The following LNPEP variants were observed in gnomAD, a reference collection of about 807,000 sequenced individuals.
LNPEP encodes leucyl and cystinyl aminopeptidase.
A neutral mutation model predicts 120.6 loss-of-function variants in LNPEP; 64 were observed. The ratio of observed to expected loss-of-function variants is 0.53; its 90% CI spans 0.43 to 0.65. LNPEP has a LOEUF of 0.65. Ranked by LOEUF, LNPEP falls within the 30% of genes least tolerant of loss-of-function variation. The pLI is 0.00. For synonymous variants in LNPEP, 435 were observed against 425.4 expected (o/e 1.02, Z -0.28); for missense variants, 1,057 against 1,200.0 (o/e 0.88, Z 1.76).
intron 1 of LNPEP, among the ~76,000 whole-genome samples, chr5:96,965,320 G>T (rs995532303): frequency 1.3e-5 from 2 of 151,086 alleles, no homozygotes; most frequent in Non-Finnish European, 2.9e-5. Flanking sequence ...TAATTTCCAG[G>T]TCCTTAAAAA....
intron 2 of LNPEP, among the ~76,000 whole-genome samples, chr5:96,984,188 C>G (rs1006272165): frequency 6.6e-6 from 1 of 152,156 alleles, no homozygotes; most frequent in Admixed American, 6.5e-5. Context: ...TTTCTATAAC[C>G]AGTTATATAG....
At chr5:96,974,264 C>T (rs547930234) in intron 1 of LNPEP, among the ~76,000 whole-genome samples, 1 of 152,270 alleles carries the variant, frequency 6.6e-6, no homozygotes, top group East Asian at 1.9e-4. Context: ...TTGCCTTTAG[C>T]TCTGGGCAGA....
At chr5:96,953,284 G>A (rs1267328229) in intron 1 of LNPEP, among the ~76,000 whole-genome samples, 2 of 152,110 alleles carry the variant, frequency 1.3e-5, no homozygotes, top group East Asian at 3.9e-4. Context: ...CTTGACCCTC[G>A]CATTCCTGAT....
intron 8 of LNPEP, among the ~76,000 whole-genome samples, chr5:96,999,216 T>C (rs1035837560): frequency 1.3e-5 from 2 of 152,206 alleles, no homozygotes; most frequent in Non-Finnish European, 2.9e-5. Flanking sequence ...GTTTATAAAG[T>C]AGATTTAAGT....
intron 7 of LNPEP, among the ~76,000 whole-genome samples, chr5:96,997,471 A>G (rs1054530279): frequency 6.6e-6 from 1 of 152,128 alleles, no homozygotes; most frequent in African/African-American, 2.4e-5. Flanking sequence ...CAGAATGTGT[A>G]AAAAGGTCTA....
At chr5:97,005,262 A>T (rs1226037584) in intron 9 of LNPEP, among the ~76,000 whole-genome samples, 2 of 152,170 alleles carry the variant, frequency 1.3e-5, no homozygotes, top group African/African-American at 4.8e-5. Flanking sequence ...GTTGCTTACA[A>T]TTCAAATTCA....
rs1791549258 is a variant in LNPEP, at chr5:97,035,178, G to C, written c.*6645G>C. On this transcript the variant is annotated 3_prime_UTR_variant, in exon 18 of 18. Coordinates refer to ENST00000231368, the MANE Select transcript of LNPEP (RefSeq NM_005575.3). The stretch of plus-strand genomic sequence containing the variant: ...TTGTTTAATTTTTTTTTATGGGGAG[G>C]GGTTCTTTGGGTGGGTAATAGTCAG... 6.6e-6 allele frequency: 1 copy of C among 151,876 alleles called. No individual in the cohort carries two copies. Among genetic ancestry groups the C allele is most frequent in the Non-Finnish European group, 1.5e-5 (1 of 67,930 alleles). 9.4% of individuals were successfully genotyped at this position (151,876 alleles called of 1,614,324 possible).
chr5:96,975,544 A>G (rs1789971567), intron 1 of LNPEP, among the ~76,000 whole-genome samples: 1 of 152,108 alleles, frequency 6.6e-6, no homozygotes, highest in South Asian at 2.1e-4. Context: ...TGTTATTGCC[A>G]TTATAGTGAC....
rs560664751 is a variant in LNPEP at position 97,029,491 on chromosome 5, A to G, written c.*958A>G. On this transcript the variant is annotated 3_prime_UTR_variant, in exon 18 of 18. Transcript: ENST00000231368. The stretch of plus-strand genomic sequence containing the variant: ...CCTTTTGGCATCATAGATCATAGAA[A>G]CTTTCTCTCTGAATCATACCCATGT... 1 of 152,450 alleles carries G rather than the reference A, an allele frequency of 6.6e-6. No homozygotes were observed. The highest frequency in any genetic ancestry group is 6.5e-5 in the Admixed American group (1 of 15,300). 9.4% of individuals were successfully genotyped at this position (152,450 alleles called of 1,614,324 possible).
At chr5:96,986,771 C>A in intron 4 of LNPEP, 101 bp downstream of exon 4, 2 of 1,058,988 alleles carry the variant, frequency 1.9e-6, no homozygotes, top group African/African-American at 1.6e-5. Context: ...AATAAATAAG[C>A]TTTTAGATCA....
intron 4 of LNPEP, among the ~76,000 whole-genome samples, chr5:96,991,366 T>C (rs1289831298): frequency 1.3e-5 from 2 of 152,212 alleles, no homozygotes; most frequent in African/African-American, 4.8e-5. Flanking sequence ...CTTTTAGTTC[T>C]TGAAGGAATC....
Position 97,013,694 on chromosome 5 carries a change from A to C in LNPEP, c.2082A>C (p.Ile694=), listed in dbSNP as rs772876034. 4 of 1,595,460 alleles carry C rather than the reference A, an allele frequency of 2.5e-6. No homozygotes were observed. Among genetic ancestry groups the C allele is most frequent in the Non-Finnish European group, 3.4e-6 (4 of 1,171,318 alleles). Residue 694 remains isoleucine, a synonymous_variant, in exon 12 of 18, where the codon ATA becomes ATC. Coordinates refer to ENST00000231368, the MANE Select transcript of LNPEP (RefSeq NM_005575.3). The part of the protein sequence containing the change: ...TEEVLWVKVN[I]NMNGYYIVHY... ...AAGTGCTGTGGGTCAAAGTGAATAT[A>C]AACATGAATGGTTATTATATTGTAC...
intron 13 of LNPEP, among the ~76,000 whole-genome samples, chr5:97,021,038 G>A (rs1047476547): frequency 2.6e-5 from 4 of 152,136 alleles, no homozygotes; most frequent in African/African-American, 9.7e-5. Flanking sequence ...AATACCGCAA[G>A]TATACGTTTA....
intron 1 of LNPEP, among the ~76,000 whole-genome samples, chr5:96,947,578 A>T (rs1318902900): frequency 2.0e-5 from 3 of 152,142 alleles, no homozygotes; most frequent in Non-Finnish European, 4.4e-5. Flanking sequence ...TGCTTTTGAG[A>T]TGTCCTTTAG....
At chr5:96,962,723 C>T (rs1789634825) in intron 1 of LNPEP, 1 of 150,542 alleles carries the variant, frequency 6.6e-6, no homozygotes, top group Non-Finnish European at 1.5e-5. Flanking sequence ...GGTTGTGATC[C>T]ATTAGTTGTA....
chr5:96,985,105 C>T lies in LNPEP; in HGVS notation c.886C>T (p.Pro296Ser). ...KKYFAATQFEPLAARSAFPCF... is the reference protein window; with the variant it reads ...KKYFAATQFESLAARSAFPCF... ...GTACTTTGCAGCAACTCAGTTTGAA[C>T]CCCTGGCAGCAAGATCTGCTTTTCC... The change falls in exon 3 of 18, where the codon CCC becomes TCC. Residue 296 changes from proline to serine, a missense_variant. By Grantham distance (74) the Pro-to-Ser change is moderately conservative (BLOSUM62 -1). Coordinates refer to ENST00000231368, the MANE Select transcript of LNPEP (RefSeq NM_005575.3). 4 of 1,613,800 alleles carry T rather than the reference C, an allele frequency of 2.5e-6. No homozygotes were observed. The East Asian group carries it at 8.9e-5, about 36-fold the overall frequency.
At chr5:96,970,189 T>C (rs1789827815) in intron 1 of LNPEP, among the ~76,000 whole-genome samples, 1 of 152,056 alleles carries the variant, frequency 6.6e-6, no homozygotes, top group South Asian at 2.1e-4. Context: ...TCAGGTCAAA[T>C]TAGTTAATAG....
intron 8 of LNPEP, among the ~76,000 whole-genome samples, chr5:97,002,372 C>T (rs745906153): frequency 1.3e-5 from 2 of 151,944 alleles, no homozygotes; most frequent in African/African-American, 2.4e-5. Flanking sequence ...AATGTTACAT[C>T]GTTTTTGTTT....
rs544513716 is a variant in LNPEP, at chr5:97,018,578, G to A, written c.2376+3483G>A. Among the ~76,000 whole-genome samples, 3 of 152,198 alleles carry A rather than the reference G, an allele frequency of 2.0e-5. No individual in the cohort carries two copies. The East Asian group carries it at 5.8e-4, about 29-fold the overall frequency. ...CAGTTAACTTTAGCTCACCAAGAGG[G>A]AGAATGTGTCACTTTAACATTCTTA... On this transcript the variant is annotated intron_variant, in intron 13 of 17. Transcript: ENST00000231368.
Sources: gnomAD v4.1 joint callset for allele counts (sites outside exome capture counted in the v4.1 genomes callset) on GRCh38, gnomAD v4.1.1 for gene constraint, MANE v1.5 for transcripts, NCBI Gene and HGNC (gene_info 2026-07-23, HGNC 2026-07-21) for gene names.